Variants in PTPRD observed in about 807,000 individuals in gnomAD.
The protein encoded by PTPRD is receptor-type tyrosine-protein phosphatase delta.
In PTPRD, 34 loss-of-function variants were observed where a neutral mutation model predicts 214.5. The observed-to-expected ratio is 0.16, with a 90% CI of 0.12 to 0.21. The LOEUF (loss-of-function observed/expected upper bound fraction) is 0.21, where lower values mean the gene tolerates loss of function less well. Ranked by LOEUF, PTPRD falls within the 10% of genes least tolerant of loss-of-function variation. The pLI, the probability that PTPRD is intolerant of heterozygous loss-of-function variation, is 1.00. For missense variants in PTPRD, 2,545 were observed against 2,398.7 expected, an observed-to-expected ratio of 1.06 and a Z score of -1.27; for synonymous variants, 1,128 against 845.7, an observed-to-expected ratio of 1.33 and a Z score of -5.79.
chr9:8,637,421 A>C lies in PTPRD; in HGVS notation c.65-577T>G, dbSNP rs148356670. ...GATATTGTAAGCTGTCTTACTTGAA[A>C]CTTAGCTCCACAATTTGCATAAAAG... On this transcript the variant is annotated intron_variant, in intron 12 of 45. Coordinates refer to ENST00000381196, the MANE Select transcript of PTPRD (RefSeq NM_002839.4). Among the ~76,000 whole-genome samples the C allele has an allele frequency of 1.3e-4, 20 of 152,286 alleles. No homozygotes were observed. In the East Asian group the frequency reaches 3.7e-3, roughly 28 times the overall value.
intron 8 of PTPRD, among the ~76,000 whole-genome samples, chr9:9,437,674 C>T (rs1412873): frequency 0.88 from 133,987 of 152,034 alleles, 59,253 homozygotes; most frequent in African/African-American, 0.93. Context: ...TAAAGATAAA[C>T]AGATTGTGGC....
intron 3 of PTPRD, among the ~76,000 whole-genome samples, chr9:10,170,925 T>A (rs56324131): frequency 6.6e-6 from 1 of 152,132 alleles, no homozygotes; most frequent in Non-Finnish European, 1.5e-5. Context: ...CCCTCATTAC[T>A]CTTCTCCACC....
intron 5 of PTPRD, among the ~76,000 whole-genome samples, chr9:9,933,462 A>C (rs1157072384): frequency 1.3e-5 from 2 of 151,820 alleles, no homozygotes; most frequent in Non-Finnish European, 2.9e-5. Flanking sequence ...AAACCAACAA[A>C]GATCAAAAGA....
intron 7 of PTPRD, among the ~76,000 whole-genome samples, chr9:9,701,605 G>C (rs2097503652): frequency 6.6e-6 from 1 of 152,198 alleles, no homozygotes; most frequent in South Asian, 2.1e-4. Flanking sequence ...TAGAGGTGGG[G>C]ATGGCAAATG....
intron 43 of PTPRD, among the ~76,000 whole-genome samples, chr9:8,332,942 G>C (rs1266419317): frequency 6.6e-6 from 1 of 152,112 alleles, no homozygotes; most frequent in Admixed American, 6.6e-5. Flanking sequence ...ACGTGTGCAT[G>C]TTCCCAAGGT....
At chr9:9,526,942 T>C (rs758357053) in intron 8 of PTPRD, among the ~76,000 whole-genome samples, 3 of 152,126 alleles carry the variant, frequency 2.0e-5, no homozygotes, top group Non-Finnish European at 2.9e-5. Flanking sequence ...CAATAAAAGT[T>C]GGAGTCAAGG....
intron 37 of PTPRD, among the ~76,000 whole-genome samples, chr9:8,377,758 A>G (rs2083694700): frequency 2.0e-5 from 3 of 152,132 alleles, no homozygotes; most frequent in Admixed American, 1.3e-4. Context: ...AACAAAGGCA[A>G]TAAAGCATTA....
At chr9:8,743,156 C>A (rs966600515) in intron 11 of PTPRD, among the ~76,000 whole-genome samples, 1 of 149,450 alleles carries the variant, frequency 6.7e-6, no homozygotes, top group Non-Finnish European at 1.5e-5. Context: ...ACATTGCTTT[C>A]TAAACCCACC....
intron 3 of PTPRD, among the ~76,000 whole-genome samples, chr9:10,336,868 T>C (rs1038997486): frequency 6.6e-6 from 1 of 151,656 alleles, no homozygotes; most frequent in African/African-American, 2.4e-5. Flanking sequence ...GGAAGTTGGA[T>C]TTAGGGACTA....
chr9:9,867,998 C>T (rs2153705356), intron 5 of PTPRD, among the ~76,000 whole-genome samples: 1 of 152,194 alleles, frequency 6.6e-6, no homozygotes, highest in East Asian at 1.9e-4. Flanking sequence ...ATTCCTTTCC[C>T]CTCACAAGGT....
intron 2 of PTPRD, among the ~76,000 whole-genome samples, chr9:10,567,808 G>C (rs984021592): frequency 6.6e-6 from 1 of 151,480 alleles, no homozygotes; most frequent in Non-Finnish European, 1.5e-5. Flanking sequence ...TATGTATATA[G>C]TTTAGAATTC....
intron 3 of PTPRD, among the ~76,000 whole-genome samples, chr9:10,291,135 G>A (rs117712208): frequency 1.3e-5 from 2 of 151,606 alleles, no homozygotes; most frequent in Non-Finnish European, 2.9e-5. Flanking sequence ...TTCTGAGAAA[G>A]GTTTCTTCAG....
chr9:9,965,202 GA>G (rs2094601839), intron 4 of PTPRD, among the ~76,000 whole-genome samples: 1 of 152,054 alleles, frequency 6.6e-6, no homozygotes, highest in Non-Finnish European at 1.5e-5. Flanking sequence ...TAGAACCATA[GA>G]ATCATGAAAA....
chr9:8,946,932 G>T (rs55669316), intron 11 of PTPRD, among the ~76,000 whole-genome samples: 2,244 of 146,282 alleles, frequency 0.015, 38 homozygotes, highest in African/African-American at 0.046. Flanking sequence ...TCTCTTTATT[G>T]TCTGTCTGCC....
chr9:9,189,831 G>A (rs1201166149), intron 9 of PTPRD, among the ~76,000 whole-genome samples: 1 of 151,974 alleles, frequency 6.6e-6, no homozygotes, highest in African/African-American at 2.4e-5. Context: ...TTTCTGGGCT[G>A]TTCATTGATA....
intron 3 of PTPRD, among the ~76,000 whole-genome samples, chr9:10,340,240 A>G (rs2096913815): frequency 6.6e-6 from 1 of 151,910 alleles, no homozygotes; most frequent in African/African-American, 2.4e-5. Flanking sequence ...CCATGTTTAC[A>G]AATATCATTA....
At chr9:9,908,285 T>C (rs2078175138) in intron 5 of PTPRD, among the ~76,000 whole-genome samples, 1 of 151,986 alleles carries the variant, frequency 6.6e-6, no homozygotes, top group African/African-American at 2.4e-5. Flanking sequence ...ATCTGAGAGT[T>C]CTTCCACACT....
intron 5 of PTPRD, among the ~76,000 whole-genome samples, chr9:9,830,590 G>A (rs1165984495): frequency 6.6e-6 from 1 of 151,800 alleles, no homozygotes; most frequent in East Asian, 1.9e-4. Flanking sequence ...GTCAACAAAG[G>A]GAACAGAGCT....
intron 12 of PTPRD, among the ~76,000 whole-genome samples, chr9:8,644,482 G>A (rs1006474059): frequency 6.6e-6 from 1 of 152,180 alleles, no homozygotes; most frequent in Admixed American, 6.5e-5. Context: ...AACACAAACA[G>A]GGCTGAAACA....
Sources: allele counts gnomAD v4.1 joint callset (sites outside exome capture counted in the v4.1 genomes callset), GRCh38; gene constraint gnomAD v4.1.1; transcripts MANE v1.5; gene names NCBI Gene and HGNC (gene_info 2026-07-23, HGNC 2026-07-21).